GPC5: variants seen among roughly 807,000 people sequenced by gnomAD.
GPC5 encodes the protein glypican 5.
In GPC5, 47 loss-of-function variants were observed where a neutral mutation model predicts 53.9. That is an observed-to-expected ratio of 0.87 (90% confidence interval 0.69 to 1.11). The LOEUF (loss-of-function observed/expected upper bound fraction) is 1.11. Ranked by LOEUF, GPC5 falls within the 50% of genes most tolerant of loss-of-function variation. GPC5 has a pLI of 0.00. For synonymous variants in GPC5, 286 were observed against 263.3 expected (o/e 1.09, Z -0.84); for missense variants, 748 against 713.1 (o/e 1.05, Z -0.56).
chr13:91,550,409 A>G (rs1043412831), intron 2 of GPC5, among the ~76,000 whole-genome samples: 4 of 152,134 alleles, frequency 2.6e-5, no homozygotes, highest in Non-Finnish European at 1.5e-5. Flanking sequence ...TAACAAATGT[A>G]TCATTCTCAT....
At chr13:91,963,801 C>G (rs1283480881) in intron 6 of GPC5, among the ~76,000 whole-genome samples, 1 of 152,084 alleles carries the variant, frequency 6.6e-6, no homozygotes, top group African/African-American at 2.4e-5. Context: ...ATTTTGAGCT[C>G]ATACCACTGC....
intron 7 of GPC5, among the ~76,000 whole-genome samples, chr13:92,721,243 C>A (rs1229708891): frequency 6.6e-6 from 1 of 151,860 alleles, no homozygotes; most frequent in Non-Finnish European, 1.5e-5. Flanking sequence ...AGCTGCTAGA[C>A]CACAAGATAA....
rs561395426 is a variant in GPC5 at position 92,839,290 on chromosome 13, A to G, written c.1562-26992A>G. The stretch of plus-strand genomic sequence containing the variant: ...TCAGAAATAAGTTATCCAATGTTTG[A>G]CTGTATTTTCTCTTGTTTTAACTTT... On this transcript the variant is annotated intron_variant, in intron 7 of 7. Transcript: ENST00000377067. Among the ~76,000 whole-genome samples the G allele has an allele frequency of 3.3e-5, 5 of 152,314 alleles. No homozygotes were observed. The South Asian group carries it at 8.3e-4, about 25-fold the overall frequency.
At chr13:92,567,734 CA>C (rs111744198) in intron 7 of GPC5, among the ~76,000 whole-genome samples, 1 of 152,214 alleles carries the variant, frequency 6.6e-6, no homozygotes, top group African/African-American at 2.4e-5. Flanking sequence ...TTGGCGCTTC[CA>C]GGGGAAACAC....
In GPC5 at chr13:91,695,982, A is replaced by G. The variant is rs1022199152; in HGVS notation, c.1020+2101A>G. Among the ~76,000 whole-genome samples, 9 of 152,286 alleles carry G rather than the reference A, an allele frequency of 5.9e-5. No individual in the cohort carries two copies. In the South Asian group the frequency reaches 6.2e-4, roughly 11 times the overall value. The stretch of plus-strand genomic sequence containing the variant: ...CTTTCAAATCCTGAGTTTGCTACCC[A>G]TTAGTCATGTGGGCTGGGTCAGCTT... On this transcript the variant is annotated intron_variant, in intron 3 of 7. Coordinates refer to ENST00000377067, the MANE Select transcript of GPC5 (RefSeq NM_004466.6).
intron 6 of GPC5, among the ~76,000 whole-genome samples, chr13:92,140,389 A>C (rs772539590): frequency 7.9e-5 from 12 of 152,204 alleles, no homozygotes; most frequent in Non-Finnish European, 1.3e-4. Context: ...CATTTCTAAA[A>C]GCATGTCAGT....
chr13:92,397,234 G>A (rs943049574), intron 7 of GPC5, among the ~76,000 whole-genome samples: 32 of 152,122 alleles, frequency 2.1e-4, no homozygotes, highest in African/African-American at 7.7e-4. Flanking sequence ...ACATGTTGTG[G>A]GAGGGGCCCT....
chr13:92,531,179 G>A (rs1156912711), intron 7 of GPC5, among the ~76,000 whole-genome samples: 1 of 152,022 alleles, frequency 6.6e-6, no homozygotes, highest in Non-Finnish European at 1.5e-5. Context: ...TACTCTGACA[G>A]TTGATAAGTT....
chr13:91,726,057 TGAACATACAGC>T (rs1234349012), intron 3 of GPC5, among the ~76,000 whole-genome samples: 10 of 152,218 alleles, frequency 6.6e-5, no homozygotes, highest in Non-Finnish European at 1.5e-4. Flanking sequence ...GAGTTGTTGA[TGAACATACAGC>T]GAACATACTT....
intron 7 of GPC5, among the ~76,000 whole-genome samples, chr13:92,502,124 A>T (rs1307593418): frequency 6.6e-6 from 1 of 152,110 alleles, no homozygotes; most frequent in East Asian, 1.9e-4. Flanking sequence ...AAATGCTAAA[A>T]TACCAATTCT....
intron 7 of GPC5, among the ~76,000 whole-genome samples, chr13:92,783,163 T>G (rs1253673496): frequency 2.6e-5 from 4 of 152,200 alleles, no homozygotes; most frequent in Admixed American, 6.6e-5. Flanking sequence ...CCTCTTATTT[T>G]CCAACTGGTA....
At chr13:92,737,472 A>G (rs1389271732) in intron 7 of GPC5, among the ~76,000 whole-genome samples, 1 of 152,110 alleles carries the variant, frequency 6.6e-6, no homozygotes, top group Non-Finnish European at 1.5e-5. Flanking sequence ...CTTAAATAGA[A>G]TATCAGATTC....
chr13:92,694,101 C>T (rs1431003605), intron 7 of GPC5, among the ~76,000 whole-genome samples: 1 of 152,082 alleles, frequency 6.6e-6, no homozygotes, highest in South Asian at 2.1e-4. Context: ...TGGGGTTGGG[C>T]CTGCAGGTAT....
intron 2 of GPC5, among the ~76,000 whole-genome samples, chr13:91,596,580 C>A (rs1038715353): frequency 6.6e-6 from 1 of 151,974 alleles, no homozygotes; most frequent in Non-Finnish European, 1.5e-5. Context: ...TTTTAGGGTG[C>A]TGGGTTATTT....
At chr13:91,546,408 G>C (rs1353134889) in intron 2 of GPC5, among the ~76,000 whole-genome samples, 2 of 151,986 alleles carry the variant, frequency 1.3e-5, no homozygotes, top group Non-Finnish European at 2.9e-5. Context: ...TTATAAGGCA[G>C]ACCTTAAATC....
At chr13:92,083,214 C>G (rs1380078190) in intron 6 of GPC5, among the ~76,000 whole-genome samples, 4 of 152,108 alleles carry the variant, frequency 2.6e-5, no homozygotes, top group Non-Finnish European at 5.9e-5. Flanking sequence ...GGGATTCTAG[C>G]TTTGTCTGCT....
At chr13:91,852,758 T>G (rs901552811) in intron 5 of GPC5, among the ~76,000 whole-genome samples, 1 of 152,126 alleles carries the variant, frequency 6.6e-6, no homozygotes, top group Non-Finnish European at 1.5e-5. Context: ...GTAATAGGAA[T>G]TTTTCAGCTC....
At chr13:92,818,371 C>A (rs1209740578) in intron 7 of GPC5, among the ~76,000 whole-genome samples, 2 of 151,836 alleles carry the variant, frequency 1.3e-5, no homozygotes. Flanking sequence ...ATAAATAATT[C>A]TTTATTAAAA....
chr13:92,662,597 A>G (rs975021090), intron 7 of GPC5, among the ~76,000 whole-genome samples: 1 of 152,102 alleles, frequency 6.6e-6, no homozygotes, highest in African/African-American at 2.4e-5. Context: ...GAGTGCCTAC[A>G]TGATTTTTTC....
Sources: allele counts gnomAD v4.1 joint callset (sites outside exome capture counted in the v4.1 genomes callset), GRCh38; gene constraint gnomAD v4.1.1; transcripts MANE v1.5; gene names NCBI Gene and HGNC (gene_info 2026-07-23, HGNC 2026-07-21).